ICE2: variants seen among roughly 807,000 people sequenced by gnomAD.
ICE2 encodes little elongation complex subunit 2.
In ICE2, 87 loss-of-function variants were observed where a neutral mutation model predicts 105.4. The ratio of observed to expected loss-of-function variants is 0.83; its 90% confidence interval spans 0.69 to 0.99. The LOEUF is 0.99. ICE2 is among the 50% of genes least tolerant of loss of function. ICE2 has a pLI of 0.00. For missense variants in ICE2, 1,323 were observed against 1,146.7 expected, an observed-to-expected ratio of 1.15 and a Z score of -2.22; for synonymous variants, 399 against 392.0, an observed-to-expected ratio of 1.02 and a Z score of -0.21.
intron 5 of ICE2, among the ~76,000 whole-genome samples, chr15:60,457,509 T>G (rs956362199): frequency 6.6e-6 from 1 of 152,188 alleles, no homozygotes; most frequent in African/African-American, 2.4e-5. Context: ...CTGAAATGTC[T>G]TAGAAAATAT....
chr15:60,428,222 T>C (rs912105485), intron 15 of ICE2, among the ~76,000 whole-genome samples: 2 of 152,172 alleles, frequency 1.3e-5, no homozygotes, highest in African/African-American at 4.8e-5. Context: ...AGTTGACTTA[T>C]AAATCTTGCA....
intron 8 of ICE2, 175 bp downstream of exon 8, chr15:60,454,828 T>A: frequency 2.0e-6 from 1 of 501,164 alleles, no homozygotes; most frequent in Non-Finnish European, 3.4e-6. Flanking sequence ...ACGAATTAGG[T>A]ATTTGTCCTA....
chr15:60,458,294 C>T (rs1339385222), intron 5 of ICE2, among the ~76,000 whole-genome samples: 1 of 152,154 alleles, frequency 6.6e-6, no homozygotes, highest in Admixed American at 6.5e-5. Context: ...CACTCACCCA[C>T]TGAGTGCTAT....
intron 9 of ICE2, among the ~76,000 whole-genome samples, chr15:60,450,314 C>T (rs1343839354): frequency 6.6e-6 from 1 of 152,168 alleles, no homozygotes; most frequent in East Asian, 1.9e-4. Flanking sequence ...GCTTCTGGTG[C>T]ACCCTTAATA....
At chr15:60,443,691 G>A (rs1353940934) in intron 11 of ICE2, among the ~76,000 whole-genome samples, 1 of 152,266 alleles carries the variant, frequency 6.6e-6, no homozygotes, top group South Asian at 2.1e-4. Context: ...AAAATTAAAT[G>A]TGATTAGGAT....
rs998252697 is a variant in ICE2 at position 60,419,725 on chromosome 15, GAACAA to G, written c.*3904_*3908del. The G allele has an allele frequency of 2.4e-4, 33 of 138,044 alleles. No homozygotes were observed. Among genetic ancestry groups the G allele is most frequent in the African/African-American group, 8.9e-4 (32 of 35,954 alleles). 8.6% of individuals were successfully genotyped at this position (138,044 alleles called of 1,614,324 possible). The stretch of plus-strand genomic sequence containing the variant: ...CTACTACATACCAAACAAAAAAACA[GAACAA>G]AACAAAATACTACTATATACCTATA... On this transcript the variant is annotated 3_prime_UTR_variant, in exon 16 of 16. Transcript: ENST00000261520.
At chr15:60,464,177 A>G (rs1223320928) in intron 5 of ICE2, among the ~76,000 whole-genome samples, 1 of 152,222 alleles carries the variant, frequency 6.6e-6, no homozygotes, top group African/African-American at 2.4e-5. Context: ...TGCCACATCA[A>G]TATGGAAAAA....
chr15:60,464,365 C>T (rs192787660), intron 5 of ICE2, among the ~76,000 whole-genome samples: 1 of 151,932 alleles, frequency 6.6e-6, no homozygotes, highest in African/African-American at 2.4e-5. Context: ...TACAAAAAGG[C>T]ACTGTTTTAC....
At chr15:60,444,379 A>G (rs999110095) in intron 11 of ICE2, among the ~76,000 whole-genome samples, 9 of 151,892 alleles carry the variant, frequency 5.9e-5, no homozygotes, top group Admixed American at 2.0e-4. Flanking sequence ...AAGCCAGGGG[A>G]AAAAAAAGGC....
intron 13 of ICE2, among the ~76,000 whole-genome samples, 158 bp downstream of exon 13, chr15:60,435,985 C>CA (rs1170933602): frequency 4.0e-5 from 6 of 149,490 alleles, no homozygotes; most frequent in South Asian, 2.1e-4. Flanking sequence ...ACACAAAGAA[C>CA]AAAAAAAAAG....
chr15:60,465,909 G>A (rs538486918), intron 5 of ICE2, among the ~76,000 whole-genome samples: 12 of 151,706 alleles, frequency 7.9e-5, no homozygotes, highest in Non-Finnish European at 1.5e-4. Flanking sequence ...CCACCACCAC[G>A]ACTGGCTAAT....
In ICE2 at chr15:60,422,011, G is replaced by A. The variant is rs995031615; in HGVS notation, c.*1623C>T. The A allele has an allele frequency of 6.6e-6, 1 of 151,330 alleles. No homozygotes were observed. The highest frequency in any genetic ancestry group is 1.5e-5 in the Non-Finnish European group (1 of 67,898). The allele number at this position is 151,330 out of a possible 1,614,324, so 9.4% of individuals were successfully genotyped here. A position where few individuals can be genotyped will look rare whatever the true frequency, so the allele number is the denominator to read the frequency against. On this transcript the variant is annotated 3_prime_UTR_variant, in exon 16 of 16. Coordinates refer to ENST00000261520, the MANE Select transcript of ICE2 (RefSeq NM_024611.6). ...CAAAAGAATAGCTATTCTTTACACA[G>A]AATAGCTAAAAAATTTCAATGTGAA...
At chr15:60,453,414 A>T (rs1436345574) in intron 9 of ICE2, 189 bp downstream of exon 9, 5 of 1,376,334 alleles carry the variant, frequency 3.6e-6, no homozygotes, top group Non-Finnish European at 4.7e-6. Flanking sequence ...CATGTATGAA[A>T]GGAGAAAACT....
chr15:60,446,323 T>C (rs1046354925), intron 11 of ICE2, among the ~76,000 whole-genome samples: 1 of 152,236 alleles, frequency 6.6e-6, no homozygotes, highest in Non-Finnish European at 1.5e-5. Context: ...TGGATCTGGA[T>C]GGGTTGGCCT....
chr15:60,459,754 T>C (rs980176749), intron 5 of ICE2, among the ~76,000 whole-genome samples: 1 of 152,200 alleles, frequency 6.6e-6, no homozygotes, highest in East Asian at 1.9e-4. Context: ...GGGAGGCTAG[T>C]TGATATTGAA....
At chr15:60,436,058 A>G in intron 13 of ICE2, 85 bp downstream of exon 13, 1 of 547,980 alleles carries the variant, frequency 1.8e-6, no homozygotes. Flanking sequence ...CTTGAAAATA[A>G]TTTAAGCTTA....
chr15:60,455,069 T>C lies in ICE2; in HGVS notation c.877A>G (p.Asn293Asp). 6.2e-7 allele frequency: 1 copy of C among 1,601,418 alleles called. No individual in the cohort carries two copies. The highest frequency in any genetic ancestry group is 8.5e-7 in the Non-Finnish European group (1 of 1,176,448). ...TGTTCCTTGTACGTTGGTCCATGAT[T>C]ATTTAATAAGGTAAATAATGACTGA... ...TSQSLFTLLN[N>D]HGPTYKEQWE... Residue 293 changes from asparagine (N) to aspartate (D), a missense_variant, in exon 8 of 16, where the codon AAT (asparagine) becomes GAT (aspartate). Physicochemically the swap from Asn to Asp is conservative, Grantham distance 23. Coordinates refer to ENST00000261520, the MANE Select transcript of ICE2 (RefSeq NM_024611.6).
chr15:60,450,829 C>T (rs1014167153), intron 9 of ICE2, among the ~76,000 whole-genome samples: 1 of 152,092 alleles, frequency 6.6e-6, no homozygotes, highest in African/African-American at 2.4e-5. Flanking sequence ...AGTAAGTAGC[C>T]TCTCAGTAAA....
At chr15:60,478,725 CCT>C in intron 1 of ICE2, 1 of 345,022 alleles carries the variant, frequency 2.9e-6, no homozygotes, top group South Asian at 2.1e-5. Flanking sequence ...ACTTAATCTA[CCT>C]CTCACACTTC....
Sources: allele counts gnomAD v4.1 joint callset (sites outside exome capture counted in the v4.1 genomes callset), GRCh38; gene constraint gnomAD v4.1.1; transcripts MANE v1.5; gene names NCBI Gene and HGNC (gene_info 2026-07-23, HGNC 2026-07-21).